The following DLX5 variants were observed in gnomAD, a reference collection of about 807,000 sequenced individuals.
DLX5 encodes the protein distal-less homeobox 5, also known as homeobox protein DLX-5.
Under a neutral mutation model 27.1 loss-of-function variants are expected in DLX5, and 8 were observed. The observed-to-expected ratio is 0.30, with a 90% CI of 0.17 to 0.53. The LOEUF (loss-of-function observed/expected upper bound fraction) is 0.53, where lower values mean the gene tolerates loss of function less well. DLX5 is among the 20% of genes least tolerant of loss of function. The pLI, the probability that DLX5 is intolerant of heterozygous loss-of-function variation, is 0.95. For missense variants in DLX5, 339 were observed against 375.1 expected (o/e 0.90, Z 0.80); for synonymous variants, 178 against 161.9 (o/e 1.10, Z -0.75).
chr7:97,021,105 A>T (rs1409370864), intron 2 of DLX5, 40 bp from the exon 3 acceptor site: 2 of 1,549,642 alleles, frequency 1.3e-6, no homozygotes, highest in African/African-American at 2.7e-5. Flanking sequence ...CGGGACACTC[A>T]GAGGTCGCCC....
At position 97,020,607 on chromosome 7, in the gene DLX5, A is replaced by C; in HGVS notation, c.*129T>G. ...TTTTGAAATGCAATAACTTACATGC[A>C]AAAAAAAGCTTTACACATGAATCTT... On this transcript the variant is annotated 3_prime_UTR_variant, in exon 3 of 3. Coordinates refer to ENST00000648378, the MANE Select transcript of DLX5 (RefSeq NM_005221.6). 1.1e-6 allele frequency: 1 copy of C among 941,202 alleles called. No homozygotes were observed. The highest frequency in any genetic ancestry group is 1.5e-6 in the Non-Finnish European group (1 of 689,044). The allele number at this position is 941,202 out of a possible 1,614,324, so 58.3% of individuals were successfully genotyped here. A position where few individuals can be genotyped will look rare whatever the true frequency, so the allele number is the denominator to read the frequency against.
Position 97,024,276 on chromosome 7 carries a change from G to C in DLX5, c.348C>G (p.Asn116Lys). ...TTCCCCCTGTCCATGTACCTGGCTG[G>C]TTGGTGGCGCTTGGGACGCGGTTGT... ...GAYNRVPSAT[N>K]QPEKEVTEPE... Residue 116 changes from asparagine (N) to lysine (K), a missense_variant, in exon 1 of 3, where the codon AAC becomes AAG. This residue lies in a region of DLX5 where 188 missense variants were observed against 206.1 expected (regional missense o/e 0.91). Transcript: ENST00000648378. The surrounding 1 kb of genome is among the most constrained non-coding windows in gnomAD (Gnocchi z 4.6). 6.2e-7 allele frequency: 1 copy of C among 1,613,222 alleles called. No individual in the cohort carries two copies.
At position 97,020,807 on chromosome 7, in the gene DLX5, T is replaced by C. The variant is rs750674456; in HGVS notation, c.799A>G (p.Ile267Val). The C allele has an allele frequency of 1.2e-6, 2 of 1,612,550 alleles. No individual in the cohort carries two copies. Among genetic ancestry groups the C allele is most frequent in the Non-Finnish European group, 1.7e-6 (2 of 1,178,982 alleles). Reference sequence around the variant, plus strand: ...CCCGGCGGCGGCAGGTGGGAATTGATTGAGCTGGCTGCACTTGTGTACCAG... The same window carrying C: ...CCCGGCGGCGGCAGGTGGGAATTGACTGAGCTGGCTGCACTTGTGTACCAG... The part of the protein sequence containing the change: ...ASWYTSAASS[I>V]NSHLPPPGSL... The change falls in exon 3 of 3, where the codon ATC becomes GTC. Residue 267 changes from isoleucine (I) to valine (V), a missense_variant. By Grantham distance (29) the Ile-to-Val change is conservative (BLOSUM62 3). This residue lies in a region of DLX5 where 136 missense variants were observed against 130.3 expected (regional missense o/e 1.04). Coordinates refer to ENST00000648378, the MANE Select transcript of DLX5 (RefSeq NM_005221.6).
chr7:97,023,561 CTAAG>C (rs577459960), intron 1 of DLX5, among the ~76,000 whole-genome samples: 196 of 152,154 alleles, frequency 1.3e-3, no homozygotes, highest in African/African-American at 4.2e-3. Context: ...CTTAAACTCT[CTAAG>C]TAAGTTTCAA....
rs1431976235 is a variant in DLX5 at position 97,020,913 on chromosome 7, G to T, written c.693C>A (p.Arg231=). The change falls in exon 3 of 3, where the codon CGC becomes CGA. Residue 231 remains arginine (R), a synonymous_variant. Coordinates refer to ENST00000648378, the MANE Select transcript of DLX5 (RefSeq NM_005221.6). The part of the protein sequence containing the change: ...PAVWEPQGSS[R]SLSHHPHAHP... ...GGGCATGAGGGTGGTGGCTGAGCGA[G>T]CGGGACGAGCCCTGGGGCTCCCACA... The T allele has an allele frequency of 3.1e-6, 5 of 1,614,150 alleles. No individual in the cohort carries two copies. Among genetic ancestry groups the T allele is most frequent in the Non-Finnish European group, 3.4e-6 (4 of 1,180,046 alleles).
In DLX5 at chr7:97,024,214, G is replaced by T; in HGVS notation, c.355+55C>A. Reference sequence around the variant, plus strand: ...CCCCCAATCTACCACCCCATCTCGCGCCCCCAGCGTCCTAGTCGCCCTGTA... The same window carrying T: ...CCCCCAATCTACCACCCCATCTCGCTCCCCCAGCGTCCTAGTCGCCCTGTA... On this transcript the variant is annotated intron_variant, in intron 1 of 2. Transcript: ENST00000648378. This position sits in a 1 kb window ranked among gnomAD's most constrained non-coding sequence, Gnocchi z 4.6. 1 of 1,524,496 alleles carries T rather than the reference G, an allele frequency of 6.6e-7. No individual in the cohort carries two copies. The highest frequency in any genetic ancestry group is 8.9e-7 in the Non-Finnish European group (1 of 1,128,548). 94.4% of individuals were successfully genotyped at this position (1,524,496 alleles called of 1,614,324 possible).
At chr7:97,022,533 C>T in intron 1 of DLX5, 164 bp from the exon 2 acceptor site, 3 of 985,354 alleles carry the variant, frequency 3.0e-6, no homozygotes, top group Non-Finnish European at 3.6e-6. Context: ...ATGCACCTAC[C>T]CCAAATATGG....
chr7:97,022,153 G>C lies in DLX5; in HGVS notation c.540+32C>G, dbSNP rs1439568835. On this transcript the variant is annotated intron_variant, in intron 2 of 2. Transcript: ENST00000648378. ...CGACCCAACCAGACGTGCAGCTCAGGCAGGTCTAGTGCATGGCAGCGCCGT... is the reference window on the plus strand; with the variant it reads ...CGACCCAACCAGACGTGCAGCTCAGCCAGGTCTAGTGCATGGCAGCGCCGT... The C allele has an allele frequency of 3.1e-6, 5 of 1,612,938 alleles. No individual in the cohort carries two copies. In the African/African-American group the frequency reaches 5.3e-5, roughly 17 times the overall value.
chr7:97,021,023 T>G lies in DLX5; in HGVS notation c.583A>C (p.Ile195Leu). 1 of 1,613,126 alleles carries G rather than the reference T, an allele frequency of 6.2e-7. No individual in the cohort carries two copies. The highest frequency in any genetic ancestry group is 8.5e-7 in the Non-Finnish European group (1 of 1,179,738). Reference protein sequence around the residue: ...FQNKRSKIKKIMKNGEMPPEH... With the variant: ...FQNKRSKIKKLMKNGEMPPEH... ...GGGGGCATCTCCCCGTTTTTCATGA[T>G]CTTCTTGATCTTGGATCTTTTGTTC... Residue 195 changes from isoleucine to leucine, a missense_variant, in exon 3 of 3, where the codon ATC (isoleucine) becomes CTC (leucine). Coordinates refer to ENST00000648378, the MANE Select transcript of DLX5 (RefSeq NM_005221.6).
Position 97,020,888 on chromosome 7 carries a change from G to A in DLX5, c.718C>T (p.His240Tyr), listed in dbSNP as rs201666211. ...GGGGACTGGTTGGAGGTCGGAGGGT[G>A]GGCATGAGGGTGGTGGCTGAGCGAG... ...SRSLSHHPHA[H>Y]PPTSNQSPAS... The change falls in exon 3 of 3, where the codon CAC becomes TAC. Residue 240 changes from histidine to tyrosine, a missense_variant. Coordinates refer to ENST00000648378, the MANE Select transcript of DLX5 (RefSeq NM_005221.6). 15 of 1,614,210 alleles carry A rather than the reference G, an allele frequency of 9.3e-6. No individual in the cohort carries two copies. Among genetic ancestry groups the A allele is most frequent in the Non-Finnish European group, 1.3e-5 (15 of 1,180,044 alleles).
chr7:97,024,172 G>A lies in DLX5; in HGVS notation c.355+97C>T, dbSNP rs1790134801. 8.3e-7 allele frequency: 1 copy of A among 1,208,166 alleles called. No individual in the cohort carries two copies. Among genetic ancestry groups the A allele is most frequent in the South Asian group, 1.5e-5 (1 of 65,464 alleles). The allele number at this position is 1,208,166 out of a possible 1,614,324, so 74.8% of individuals were successfully genotyped here. On this transcript the variant is annotated intron_variant, in intron 1 of 2. Transcript: ENST00000648378. The surrounding 1 kb of genome is among the most constrained non-coding windows in gnomAD (Gnocchi z 4.6). ...CCCTTCTGCCGCGTGCGCCCCCACT[G>A]CCGTGAACCGCTGTGACCCCCAATC...
In DLX5 at chr7:97,024,053, G is replaced by A. The variant is rs1310831552; in HGVS notation, c.355+216C>T. ...GCCTTGGAAGGTGCCGGAGGGGAGA[G>A]ACGCTAGTTCGAACCTCCACAGGGC... On this transcript the variant is annotated intron_variant, in intron 1 of 2. Transcript: ENST00000648378. This position sits in a 1 kb window ranked among gnomAD's most constrained non-coding sequence, Gnocchi z 4.6. Among the ~76,000 whole-genome samples, 1 of 152,160 alleles carries A rather than the reference G, an allele frequency of 6.6e-6. No individual in the cohort carries two copies. Among genetic ancestry groups the A allele is most frequent in the Non-Finnish European group, 1.5e-5 (1 of 68,040 alleles).
At position 97,024,144 on chromosome 7, in the gene DLX5, A is replaced by T; in HGVS notation, c.355+125T>A. On this transcript the variant is annotated intron_variant, in intron 1 of 2. Transcript: ENST00000648378. The surrounding 1 kb of genome is among the most constrained non-coding windows in gnomAD (Gnocchi z 4.6). ...CTCTTTGTTGGAGGGTCTGAGTCCT[A>T]CTCCCTTCTGCCGCGTGCGCCCCCA... is the stretch of plus-strand genomic sequence containing the variant. 1 of 850,324 alleles carries T rather than the reference A, an allele frequency of 1.2e-6. No homozygotes were observed. The highest frequency in any genetic ancestry group is 1.8e-6 in the Non-Finnish European group (1 of 559,348). The allele number at this position is 850,324 out of a possible 1,614,324, so 52.7% of individuals were successfully genotyped here.
At chr7:97,022,792 C>A (rs549202762) in intron 1 of DLX5, among the ~76,000 whole-genome samples, 152 of 152,270 alleles carry the variant, frequency 1.0e-3, no homozygotes, top group African/African-American at 3.5e-3. Context: ...CTACTTCTGT[C>A]GGCGTCTGTT....
chr7:97,022,407 C>T, intron 1 of DLX5, 38 bp from the exon 2 acceptor site: 1 of 1,608,848 alleles, frequency 6.2e-7, no homozygotes. Context: ...AGCTTGTCAC[C>T]AGACAATGCC....
chr7:97,022,661 C>G lies in DLX5; in HGVS notation c.356-292G>C. 3.2e-6 allele frequency: 3 copies of G among 943,376 alleles called. No homozygotes were observed. The South Asian group carries it at 1.5e-4, about 46-fold the overall frequency. The allele number at this position is 943,376 out of a possible 1,614,324, so 58.4% of individuals were successfully genotyped here. A position where few individuals can be genotyped will look rare whatever the true frequency, so the allele number is the denominator to read the frequency against. On this transcript the variant is annotated intron_variant, in intron 1 of 2. Coordinates refer to ENST00000648378, the MANE Select transcript of DLX5 (RefSeq NM_005221.6). ...TGGGATTCAGCTCTTGCGGTCGTTG[C>G]TTCTTCTCCCGGACTTGTTTTTACG... is the stretch of plus-strand genomic sequence containing the variant.
chr7:97,022,103 C>G (rs1790079481), intron 2 of DLX5, 82 bp downstream of exon 2: 3 of 1,527,092 alleles, frequency 2.0e-6, no homozygotes, highest in Non-Finnish European at 9.0e-7. Context: ...CAAAACAGCT[C>G]CAGTCCCATC....
rs1373621244 is a variant in DLX5 at position 97,020,706 on chromosome 7, CA to C, written c.*29del. 1.3e-6 allele frequency: 2 copies of C among 1,510,278 alleles called. No homozygotes were observed. Among genetic ancestry groups the C allele is most frequent in the East Asian group, 2.3e-5 (1 of 43,664 alleles). 93.6% of individuals were successfully genotyped at this position (1,510,278 alleles called of 1,614,324 possible). On this transcript the variant is annotated 3_prime_UTR_variant, in exon 3 of 3. Coordinates refer to ENST00000648378, the MANE Select transcript of DLX5 (RefSeq NM_005221.6). ...CTAGAACAGCAAAACACAGTAGTCC[CA>C]AAAAAGAGAGTAAGAGAGAGCAGCC...
chr7:97,021,133 G>T (rs1328551557), intron 2 of DLX5, 68 bp from the exon 3 acceptor site: 2 of 1,439,396 alleles, frequency 1.4e-6, no homozygotes, highest in Non-Finnish European at 1.9e-6. Flanking sequence ...CCCCGGGGCG[G>T]CGACTGGAGG....
Sources: gnomAD v4.1 joint callset for allele counts (sites outside exome capture counted in the v4.1 genomes callset) on GRCh38, gnomAD v4.1.1 for gene constraint, gnomAD v4.1.1 regional missense constraint, Gnocchi (gnomAD v3.1) non-coding constraint, MANE v1.5 for transcripts, NCBI Gene and HGNC (gene_info 2026-07-23, HGNC 2026-07-21) for gene names.